The following KLHL42 variants were observed in gnomAD, a reference collection of about 807,000 sequenced individuals.
KLHL42 encodes the protein kelch like family member 42.
A neutral mutation model predicts 32.7 loss-of-function variants in KLHL42; 27 were observed. The observed-to-expected ratio is 0.83, with a 90% confidence interval of 0.61 to 1.14. The LOEUF is 1.14. KLHL42 is among the 50% of genes most tolerant of loss of function. KLHL42 has a pLI of 0.00. For missense variants in KLHL42, 491 were observed against 560.8 expected (o/e 0.88, Z 1.26); for synonymous variants, 267 against 248.2 (o/e 1.08, Z -0.71).
At chr12:27,794,880 G>A in intron 2 of KLHL42, among the ~76,000 whole-genome samples, 1 of 148,654 alleles carries the variant, frequency 6.7e-6, no homozygotes, top group East Asian at 2.0e-4. Flanking sequence ...CTCCACTGAA[G>A]ATAGTTTTCA....
At position 27,780,316 on chromosome 12, in the gene KLHL42, C is replaced by G. The variant is rs1187581027; in HGVS notation, c.-15C>G. On this transcript the variant is annotated 5_prime_UTR_variant, in exon 1 of 3. Transcript: ENST00000381271. This position sits in a 1 kb window ranked among gnomAD's most constrained non-coding sequence, Gnocchi z 8.8. Reference sequence around the variant, plus strand: ...AGATCTGGCGGTGAGCGCTGCCGCCCCGGGGCCCCCAGCCATGTCGGCCGA... The same window carrying G: ...AGATCTGGCGGTGAGCGCTGCCGCCGCGGGGCCCCCAGCCATGTCGGCCGA... The G allele has an allele frequency of 6.5e-7, 1 of 1,547,428 alleles. No homozygotes were observed. The highest frequency in any genetic ancestry group is 8.7e-7 in the Non-Finnish European group (1 of 1,151,438).
chr12:27,784,182 T>A (rs1591813825), intron 1 of KLHL42, among the ~76,000 whole-genome samples: 1 of 149,916 alleles, frequency 6.7e-6, no homozygotes, highest in African/African-American at 2.5e-5. Context: ...TTGCCCAGGC[T>A]GGAGTACAGT....
chr12:27,802,066 A>G lies in KLHL42; in HGVS notation c.*3900A>G, dbSNP rs1398388543. On this transcript the variant is annotated 3_prime_UTR_variant, in exon 3 of 3. Coordinates refer to ENST00000381271, the MANE Select transcript of KLHL42 (RefSeq NM_020782.2). ...CCGTCCTTTGTTTTTGTGATTTACT[A>G]ACAATCATCACGAACCAGTTTTGTT... is the stretch of plus-strand genomic sequence containing the variant. The G allele has an allele frequency of 6.6e-6, 1 of 152,154 alleles. No individual in the cohort carries two copies. Among genetic ancestry groups the G allele is most frequent in the Non-Finnish European group, 1.5e-5 (1 of 68,036 alleles). The allele number at this position is 152,154 out of a possible 1,614,324, so 9.4% of individuals were successfully genotyped here. A position where few individuals can be genotyped will look rare whatever the true frequency, so the allele number is the denominator to read the frequency against.
At position 27,780,263 on chromosome 12, in the gene KLHL42, G is replaced by A. The variant is rs2062139231; in HGVS notation, c.-68G>A. ...TCGGCGCCCCGCCCGGAACCGGCGC[G>A]CGCGTAGGGGCTGGGAGGCCGGCGC... is the stretch of plus-strand genomic sequence containing the variant. On this transcript the variant is annotated 5_prime_UTR_variant, in exon 1 of 3. Transcript: ENST00000381271. This position sits in a 1 kb window ranked among gnomAD's most constrained non-coding sequence, Gnocchi z 8.8. The A allele has an allele frequency of 1.5e-6, 2 of 1,376,798 alleles. No individual in the cohort carries two copies. The highest frequency in any genetic ancestry group is 1.9e-6 in the Non-Finnish European group (2 of 1,063,582). 85.3% of individuals were successfully genotyped at this position (1,376,798 alleles called of 1,614,324 possible).
rs1259072812 is a variant in KLHL42 at position 27,802,485 on chromosome 12, A to G, written c.*4319A>G. On this transcript the variant is annotated 3_prime_UTR_variant, in exon 3 of 3. Transcript: ENST00000381271. ...TTTTTCATCCTTAGATTTTATTCACATGAGAGATTTTTTTTATTTTCTCTG... is the reference window on the plus strand; with the variant it reads ...TTTTTCATCCTTAGATTTTATTCACGTGAGAGATTTTTTTTATTTTCTCTG... 1 of 152,792 alleles carries G rather than the reference A, an allele frequency of 6.5e-6. No homozygotes were observed. Among genetic ancestry groups the G allele is most frequent in the African/African-American group, 2.4e-5 (1 of 41,588 alleles). The allele number at this position is 152,792 out of a possible 1,614,324, so 9.5% of individuals were successfully genotyped here. A position where few individuals can be genotyped will look rare whatever the true frequency, so the allele number is the denominator to read the frequency against.
intron 1 of KLHL42, 90 bp from the exon 2 acceptor site, chr12:27,791,618 T>G: frequency 2.7e-6 from 3 of 1,124,832 alleles, no homozygotes; most frequent in Non-Finnish European, 3.9e-6. Context: ...TTTCTTCAGA[T>G]GTTCAGGAGA....
rs973064395 is a variant in KLHL42, at chr12:27,798,734, C to T, written c.*568C>T. ...GGAAACTTATAATGATGGAGCCCTA[C>T]AGTGAATCCTTACCAGTGTTCAGTC... On this transcript the variant is annotated 3_prime_UTR_variant, in exon 3 of 3. Coordinates refer to ENST00000381271, the MANE Select transcript of KLHL42 (RefSeq NM_020782.2). 4 of 152,124 alleles carry T rather than the reference C, an allele frequency of 2.6e-5. No homozygotes were observed. The highest frequency in any genetic ancestry group is 4.4e-5 in the Non-Finnish European group (3 of 68,208). The allele number at this position is 152,124 out of a possible 1,614,324, so 9.4% of individuals were successfully genotyped here.
intron 1 of KLHL42, among the ~76,000 whole-genome samples, chr12:27,787,314 G>C (rs1433961376): frequency 6.6e-6 from 1 of 151,790 alleles, no homozygotes; most frequent in Admixed American, 6.6e-5. Context: ...GGCCAACGTG[G>C]TGAAACCCTG....
Position 27,798,421 on chromosome 12 carries a change from T to C in KLHL42, c.*255T>C. On this transcript the variant is annotated 3_prime_UTR_variant, in exon 3 of 3. Coordinates refer to ENST00000381271, the MANE Select transcript of KLHL42 (RefSeq NM_020782.2). The stretch of plus-strand genomic sequence containing the variant: ...AATCCATCTCCAAACATGATACTCT[T>C]GGGCCAATGACGGATCATCAAAATG... The C allele has an allele frequency of 2.3e-6, 1 of 437,842 alleles. No homozygotes were observed. Among genetic ancestry groups the C allele is most frequent in the East Asian group, 4.3e-5 (1 of 23,028 alleles). 27.1% of individuals were successfully genotyped at this position (437,842 alleles called of 1,614,324 possible).
chr12:27,787,370 C>T (rs557759659), intron 1 of KLHL42, among the ~76,000 whole-genome samples: 2 of 151,932 alleles, frequency 1.3e-5, no homozygotes, highest in South Asian at 4.2e-4. Context: ...TGGTGGGCAC[C>T]TGTAGTCCTA....
intron 2 of KLHL42, chr12:27,797,134 CA>C (rs543472917): frequency 5.5e-4 from 204 of 368,994 alleles, no homozygotes; most frequent in East Asian, 1.1e-3. Flanking sequence ...TAAAAAAAAA[CA>C]AAAAAAAAAC....
intron 2 of KLHL42, among the ~76,000 whole-genome samples, chr12:27,795,493 C>T (rs562721375): frequency 3.9e-4 from 60 of 152,202 alleles, no homozygotes; most frequent in Non-Finnish European, 6.9e-4. Context: ...GTGTAAGGGC[C>T]GAAAACTAGT....
intron 2 of KLHL42, among the ~76,000 whole-genome samples, chr12:27,795,105 C>G (rs142120530): frequency 1.5e-3 from 229 of 152,104 alleles, no homozygotes; most frequent in African/African-American, 5.2e-3. Context: ...GTCAATACTC[C>G]CAGTTATTTA....
At chr12:27,781,742 T>C (rs1206631330) in intron 1 of KLHL42, among the ~76,000 whole-genome samples, 1 of 152,218 alleles carries the variant, frequency 6.6e-6, no homozygotes, top group Non-Finnish European at 1.5e-5. Context: ...TTATTTTTTA[T>C]CCTCTCTTTT....
intron 2 of KLHL42, among the ~76,000 whole-genome samples, chr12:27,792,677 C>T (rs2062202584): frequency 6.6e-6 from 1 of 152,110 alleles, no homozygotes; most frequent in Non-Finnish European, 1.5e-5. Flanking sequence ...GCTGCACCAC[C>T]ATGCCCCGCT....
At position 27,799,408 on chromosome 12, in the gene KLHL42, T is replaced by C. The variant is rs1423752854; in HGVS notation, c.*1242T>C. 1 of 152,240 alleles carries C rather than the reference T, an allele frequency of 6.6e-6. No homozygotes were observed. Among genetic ancestry groups the C allele is most frequent in the Non-Finnish European group, 1.5e-5 (1 of 68,036 alleles). The allele number at this position is 152,240 out of a possible 1,614,324, so 9.4% of individuals were successfully genotyped here. On this transcript the variant is annotated 3_prime_UTR_variant, in exon 3 of 3. Coordinates refer to ENST00000381271, the MANE Select transcript of KLHL42 (RefSeq NM_020782.2). ...CACTCATACTTATGGAAATTTTATT[T>C]TGATTGAAAACACTCTGAAATTATC...
At chr12:27,792,802 T>C (rs953336691) in intron 2 of KLHL42, among the ~76,000 whole-genome samples, 14 of 152,254 alleles carry the variant, frequency 9.2e-5, no homozygotes, top group African/African-American at 3.4e-4. Context: ...GGATTACAGG[T>C]GTGAGCCACC....
intron 1 of KLHL42, among the ~76,000 whole-genome samples, chr12:27,786,224 C>T (rs547818713): frequency 8.5e-5 from 13 of 152,240 alleles, no homozygotes; most frequent in African/African-American, 2.9e-4. Flanking sequence ...CACATTTCCC[C>T]CCTTCTTTAA....
intron 1 of KLHL42, among the ~76,000 whole-genome samples, chr12:27,783,671 TC>T (rs977834321): frequency 6.6e-6 from 1 of 152,096 alleles, no homozygotes; most frequent in Non-Finnish European, 1.5e-5. Flanking sequence ...AAGCTCCGCC[TC>T]CCGGGTTCAC....
Sources: allele counts gnomAD v4.1 joint callset (sites outside exome capture counted in the v4.1 genomes callset), GRCh38; gene constraint gnomAD v4.1.1; non-coding constraint Gnocchi (gnomAD v3.1); transcripts MANE v1.5; gene names NCBI Gene and HGNC (gene_info 2026-07-23, HGNC 2026-07-21).